The following KLHL1 variants were observed in gnomAD, a reference collection of about 807,000 sequenced individuals.
The protein encoded by KLHL1 is kelch-like protein 1.
In KLHL1, 47 loss-of-function variants were observed where a neutral mutation model predicts 77.7. That is an observed-to-expected ratio of 0.60 (90% CI 0.48 to 0.77). KLHL1 has a LOEUF of 0.77. KLHL1 is among the 30% of genes least tolerant of loss of function. KLHL1 has a pLI of 0.00. For missense variants in KLHL1, 925 were observed against 910.8 expected, an observed-to-expected ratio of 1.02 and a Z score of -0.20; for synonymous variants, 360 against 325.2, an observed-to-expected ratio of 1.11 and a Z score of -1.15.
chr13:69,731,652 C>CA (rs1593780928), intron 8 of KLHL1, among the ~76,000 whole-genome samples: 3 of 152,022 alleles, frequency 2.0e-5, no homozygotes, highest in Admixed American at 2.0e-4. Flanking sequence ...TTACCAAATA[C>CA]AAAAAAGAGA....
At chr13:69,771,421 A>G (rs1875560016) in intron 7 of KLHL1, among the ~76,000 whole-genome samples, 1 of 152,184 alleles carries the variant, frequency 6.6e-6, no homozygotes, top group South Asian at 2.1e-4. Flanking sequence ...TCCTCATTTT[A>G]AATTTTTTAG....
intron 7 of KLHL1, among the ~76,000 whole-genome samples, chr13:69,763,080 G>A (rs1174584919): frequency 4.6e-5 from 7 of 152,146 alleles, no homozygotes; most frequent in Admixed American, 4.6e-4. Flanking sequence ...TGGAATAAAT[G>A]AGGCAAGAAT....
chr13:70,082,847 A>G (rs925629480), intron 1 of KLHL1, among the ~76,000 whole-genome samples: 1 of 152,158 alleles, frequency 6.6e-6, no homozygotes, highest in Non-Finnish European at 1.5e-5. Flanking sequence ...AGCTGGAGCC[A>G]ATAACCTAAG....
intron 1 of KLHL1, among the ~76,000 whole-genome samples, chr13:70,082,079 T>G (rs1887405750): frequency 6.6e-6 from 1 of 152,082 alleles, no homozygotes; most frequent in South Asian, 2.1e-4. Flanking sequence ...TCTCTCTTCC[T>G]CCTGCTCCAG....
chr13:70,068,935 G>T (rs1039827537), intron 1 of KLHL1, among the ~76,000 whole-genome samples: 1 of 152,078 alleles, frequency 6.6e-6, no homozygotes, highest in Non-Finnish European at 1.5e-5. Flanking sequence ...TGAGGAAAAA[G>T]CCTTCTTGCT....
chr13:70,070,554 TAAAC>T (rs1225555563), intron 1 of KLHL1, among the ~76,000 whole-genome samples: 2 of 152,018 alleles, frequency 1.3e-5, no homozygotes, highest in Non-Finnish European at 2.9e-5. Context: ...AAAAAATTCT[TAAAC>T]AAAAATACAA....
intron 5 of KLHL1, among the ~76,000 whole-genome samples, chr13:69,857,836 T>G (rs186738703): frequency 1.6e-3 from 235 of 151,564 alleles, no homozygotes; most frequent in African/African-American, 5.5e-3. Flanking sequence ...CCCTAGAACT[T>G]AAAGTATAAT....
chr13:69,941,864 G>T (rs1404183292), intron 3 of KLHL1, among the ~76,000 whole-genome samples: 2 of 151,876 alleles, frequency 1.3e-5, no homozygotes, highest in African/African-American at 4.8e-5. Flanking sequence ...AAAATCTAGA[G>T]ATGATGAATA....
At chr13:69,739,735 T>C (rs1873907269) in intron 8 of KLHL1, among the ~76,000 whole-genome samples, 1 of 152,148 alleles carries the variant, frequency 6.6e-6, no homozygotes, top group African/African-American at 2.4e-5. Flanking sequence ...AGAAAATAAT[T>C]TAAAAGATCA....
In KLHL1 at chr13:69,958,318, C is replaced by T. The variant is rs202188791; in HGVS notation, c.817+2990G>A. On this transcript the variant is annotated intron_variant, in intron 3 of 10. Transcript: ENST00000377844. ...TGAATTTCTCTGAAAAACCTGATCT[C>T]ATTGCTTCTCATCTAATTTTTTGGA... Among the ~76,000 whole-genome samples the T allele has an allele frequency of 4.6e-5, 7 of 151,830 alleles. No individual in the cohort carries two copies. In the East Asian group the frequency reaches 7.8e-4, roughly 17 times the overall value.
At chr13:69,887,675 AC>A (rs1234434383) in intron 4 of KLHL1, among the ~76,000 whole-genome samples, 2 of 152,146 alleles carry the variant, frequency 1.3e-5, no homozygotes, top group Admixed American at 6.6e-5. Context: ...TCCTTCAATT[AC>A]CAAAAACCCA....
At chr13:70,023,951 C>T (rs1222666883) in intron 1 of KLHL1, among the ~76,000 whole-genome samples, 4 of 151,696 alleles carry the variant, frequency 2.6e-5, no homozygotes, top group Admixed American at 6.6e-5. Flanking sequence ...CCATTAGAAA[C>T]GTATATAGTT....
At chr13:69,983,107 T>A (rs1265404527) in intron 1 of KLHL1, among the ~76,000 whole-genome samples, 2 of 152,130 alleles carry the variant, frequency 1.3e-5, no homozygotes, top group African/African-American at 2.4e-5. Context: ...CCCATTTATA[T>A]CTATTTTAAA....
intron 7 of KLHL1, among the ~76,000 whole-genome samples, chr13:69,788,455 G>A (rs1171096368): frequency 1.3e-5 from 2 of 151,974 alleles, no homozygotes; most frequent in Non-Finnish European, 2.9e-5. Context: ...GGTGGGAATT[G>A]AACAATGAGA....
intron 4 of KLHL1, among the ~76,000 whole-genome samples, chr13:69,900,060 A>C (rs1881801491): frequency 6.6e-6 from 1 of 152,156 alleles, no homozygotes; most frequent in Non-Finnish European, 1.5e-5. Flanking sequence ...CAGCTGTTGG[A>C]AGTAAACTAC....
intron 5 of KLHL1, among the ~76,000 whole-genome samples, chr13:69,859,015 A>G (rs1246726120): frequency 1.3e-5 from 2 of 152,012 alleles, no homozygotes; most frequent in Non-Finnish European, 2.9e-5. Flanking sequence ...CATCTCATAC[A>G]TTGTTACATA....
intron 7 of KLHL1, 149 bp from the exon 8 acceptor site, chr13:69,740,705 G>T: frequency 1.9e-6 from 1 of 516,820 alleles, no homozygotes; most frequent in South Asian, 5.6e-5. Flanking sequence ...ATTTCACAGT[G>T]AGATTTTAAA....
At chr13:69,871,902 C>A (rs73508468) in intron 5 of KLHL1, among the ~76,000 whole-genome samples, 27 of 152,112 alleles carry the variant, frequency 1.8e-4, no homozygotes, top group African/African-American at 6.5e-4. Context: ...TTTCCCTCAT[C>A]TTGCTTTATT....
At chr13:70,102,595 T>C (rs549342816) in intron 1 of KLHL1, among the ~76,000 whole-genome samples, 44 of 152,266 alleles carry the variant, frequency 2.9e-4, no homozygotes, top group African/African-American at 9.4e-4. Flanking sequence ...AGAAATAAGA[T>C]TGGGCAAAAT....
Sources: allele counts gnomAD v4.1 joint callset (sites outside exome capture counted in the v4.1 genomes callset), GRCh38; gene constraint gnomAD v4.1.1; transcripts MANE v1.5; gene names NCBI Gene and HGNC (gene_info 2026-07-23, HGNC 2026-07-21).